DPP4: variants seen among roughly 807,000 people sequenced by gnomAD.
The protein encoded by DPP4 is ADCP-2.
DPP4 carries 93 observed loss-of-function variants against 122.4 expected under a neutral mutation model. The observed-to-expected ratio is 0.76, with a 90% CI of 0.64 to 0.90. DPP4 has a LOEUF of 0.90. Among genes scored for constraint, DPP4 ranks in the 40% least tolerant of loss-of-function variants. DPP4 has a pLI of 0.00. For missense variants in DPP4, 914 were observed against 907.3 expected (o/e 1.01, Z -0.09); for synonymous variants, 321 against 302.9 (o/e 1.06, Z -0.62).
chr2:162,033,860 G>GTATA (rs1230614837), intron 9 of DPP4, among the ~76,000 whole-genome samples: 1 of 37,492 alleles, frequency 2.7e-5, no homozygotes, highest in Non-Finnish European at 4.1e-5. Context: ...AACAGAATAT[G>GTATA]TGTATATATA....
chr2:162,009,237 T>C lies in DPP4; in HGVS notation c.1887+4A>G. On this transcript the variant is annotated splice_donor_region_variant and intron_variant, in intron 21 of 25. Coordinates refer to ENST00000360534, the MANE Select transcript of DPP4 (RefSeq NM_001935.4). The stretch of plus-strand genomic sequence containing the variant: ...GCATACAGATTCATCAGTCAACTAC[T>C]CACCCAGCCCCAAATTGCAATTCGT... The C allele has an allele frequency of 6.2e-7, 1 of 1,613,700 alleles. No individual in the cohort carries two copies. Among genetic ancestry groups the C allele is most frequent in the South Asian group, 1.1e-5 (1 of 91,074 alleles).
At chr2:162,011,125 A>G (rs1682692475) in intron 20 of DPP4, among the ~76,000 whole-genome samples, 1 of 152,170 alleles carries the variant, frequency 6.6e-6, no homozygotes, top group Non-Finnish European at 1.5e-5. Flanking sequence ...CAATGCCTGC[A>G]GGTAAAGCAC....
chr2:162,057,982 AG>A (rs1377455170), intron 2 of DPP4, among the ~76,000 whole-genome samples: 4 of 152,146 alleles, frequency 2.6e-5, no homozygotes, highest in African/African-American at 9.7e-5. Context: ...CATGTTGGCC[AG>A]GCTGGTCTTG....
In DPP4 at chr2:162,071,153, A is replaced by G. The variant is rs189024438; in HGVS notation, c.94+2246T>C. ...TGCTCAAAACATCATTCACTGCATC[A>G]TCTCCAGCTTAGAATCAAACTCTTT... is the stretch of plus-strand genomic sequence containing the variant. On this transcript the variant is annotated intron_variant, in intron 2 of 25. Transcript: ENST00000360534. Among the ~76,000 whole-genome samples, 4 of 152,216 alleles carry G rather than the reference A, an allele frequency of 2.6e-5. No homozygotes were observed. The East Asian group carries it at 7.7e-4, about 29-fold the overall frequency.
chr2:162,045,274 CTT>C (rs934340275), intron 5 of DPP4, among the ~76,000 whole-genome samples: 6 of 152,048 alleles, frequency 3.9e-5, no homozygotes, highest in African/African-American at 1.2e-4. Context: ...TTTTTATTGA[CTT>C]ATGTTATTAG....
chr2:162,035,586 AT>A (rs1221827784), intron 8 of DPP4, among the ~76,000 whole-genome samples: 1 of 152,146 alleles, frequency 6.6e-6, no homozygotes. Context: ...TAAGCTCTAC[AT>A]TTTTTTCTTT....
intron 2 of DPP4, among the ~76,000 whole-genome samples, chr2:162,062,191 A>T (rs1684798844): frequency 6.6e-6 from 1 of 151,858 alleles, no homozygotes; most frequent in South Asian, 2.1e-4. Context: ...CTGAGGCGGG[A>T]GAATCGCTTG....
rs1683858423 is a variant in DPP4 at position 162,038,317 on chromosome 2, CAGTT to C, written c.594_597del (p.Ile198MetfsTer25). On this transcript the variant is annotated frameshift_variant, in exon 8 of 26. Coordinates refer to ENST00000360534, the MANE Select transcript of DPP4 (RefSeq NM_001935.4). LOFTEE classifies it high-confidence loss of function. ...AAGTTTCTACCTTCATAAACCCAGTCAGTTATTCCATTATATATTATATCTTCTT... is the reference window on the plus strand; with the variant it reads ...AAGTTTCTACCTTCATAAACCCAGTCATTCCATTATATATTATATCTTCTT... 3 of 1,584,238 alleles carry C rather than the reference CAGTT, an allele frequency of 1.9e-6. No individual in the cohort carries two copies.
intron 12 of DPP4, chr2:162,021,551 AG>A (rs1210372683): frequency 6.6e-6 from 1 of 152,196 alleles, no homozygotes; most frequent in Admixed American, 6.5e-5. Context: ...TTGGGAAGGA[AG>A]AAAAATGCTT....
At chr2:162,001,366 A>T (rs1456443070) in intron 23 of DPP4, among the ~76,000 whole-genome samples, 1 of 151,506 alleles carries the variant, frequency 6.6e-6, no homozygotes, top group African/African-American at 2.4e-5. Flanking sequence ...CTTCTTGGCC[A>T]CTCCCCTTCC....
chr2:162,039,025 G>A lies in DPP4; in HGVS notation c.420-4C>T, dbSNP rs1180122214. The A allele has an allele frequency of 6.2e-7, 1 of 1,613,154 alleles. No homozygotes were observed. Among genetic ancestry groups the A allele is most frequent in the Non-Finnish European group, 8.5e-7 (1 of 1,179,374 alleles). ...CCTCTCTTCTGTAATCAGCTGCCTG[G>A]AAAAAAGATGAAAGGAAATATTATC... On this transcript the variant is annotated splice_region_variant and splice_polypyrimidine_tract_variant and intron_variant, in intron 6 of 25. Coordinates refer to ENST00000360534, the MANE Select transcript of DPP4 (RefSeq NM_001935.4).
intron 9 of DPP4, among the ~76,000 whole-genome samples, chr2:162,034,926 A>AT (rs1358075161): frequency 4.6e-5 from 7 of 151,788 alleles, no homozygotes; most frequent in Non-Finnish European, 1.0e-4. Context: ...CATTTTCCCC[A>AT]TTTTTTCTGC....
chr2:162,009,574 C>T (rs1701369875), intron 20 of DPP4, among the ~76,000 whole-genome samples: 1 of 148,772 alleles, frequency 6.7e-6, no homozygotes, highest in Admixed American at 6.8e-5. Flanking sequence ...AAAACAAATC[C>T]TGGCAGTTTT....
chr2:162,066,739 A>G (rs1465006891), intron 2 of DPP4, among the ~76,000 whole-genome samples: 11 of 152,178 alleles, frequency 7.2e-5, no homozygotes, highest in Admixed American at 7.2e-4. Flanking sequence ...ACATCTGATG[A>G]TGGTCTCAGG....
intron 10 of DPP4, among the ~76,000 whole-genome samples, chr2:162,027,348 CAAAA>C (rs3216641): frequency 8.9e-6 from 1 of 111,746 alleles, no homozygotes; most frequent in Non-Finnish European, 1.9e-5. Flanking sequence ...GACTCGGTCT[CAAAA>C]AAAAAAAAAA....
intron 22 of DPP4, 97 bp downstream of exon 22, chr2:162,008,465 G>T (rs774361883): frequency 1.0e-6 from 1 of 973,438 alleles, no homozygotes; most frequent in Admixed American, 1.8e-5. Flanking sequence ...CCTATTATTC[G>T]CTGTAAAAAC....
intron 25 of DPP4, among the ~76,000 whole-genome samples, chr2:161,993,996 A>G (rs543303496): frequency 5.3e-4 from 81 of 152,338 alleles, no homozygotes; most frequent in African/African-American, 1.9e-3. Context: ...ATTTTAAGAA[A>G]TCTGTGTATT....
intron 23 of DPP4, among the ~76,000 whole-genome samples, chr2:162,000,313 C>A (rs1162509458): frequency 2.0e-5 from 3 of 152,134 alleles, no homozygotes; most frequent in African/African-American, 7.2e-5. Context: ...GACTTCAACT[C>A]ACTAAAACAG....
intron 19 of DPP4, among the ~76,000 whole-genome samples, chr2:162,013,247 G>A (rs1280545936): frequency 3.3e-5 from 5 of 151,756 alleles, no homozygotes; most frequent in Admixed American, 6.6e-5. Context: ...AGATCAAATC[G>A]TTACTTACTA....
Sources: allele counts gnomAD v4.1 joint callset (sites outside exome capture counted in the v4.1 genomes callset), GRCh38; gene constraint gnomAD v4.1.1; transcripts MANE v1.5; gene names NCBI Gene and HGNC (gene_info 2026-07-23, HGNC 2026-07-21).